PROX1: variants seen among roughly 807,000 people sequenced by gnomAD.
PROX1 encodes prospero homeobox protein 1.
In PROX1, 7 loss-of-function variants were observed where a neutral mutation model predicts 58.8. That is an observed-to-expected ratio of 0.12 (90% CI 0.07 to 0.22). The LOEUF (loss-of-function observed/expected upper bound fraction) is 0.22. Among genes scored for constraint, PROX1 ranks in the 10% least tolerant of loss-of-function variants. The pLI is 1.00. For missense variants in PROX1, 675 were observed against 927.8 expected (o/e 0.73, Z 3.54); for synonymous variants, 350 against 358.3 (o/e 0.98, Z 0.26).
At chr1:214,031,871 TC>T (rs1426162704) in intron 4 of PROX1, among the ~76,000 whole-genome samples, 2 of 152,292 alleles carry the variant, frequency 1.3e-5, no homozygotes, top group South Asian at 4.1e-4. Context: ...ACTGGAACCC[TC>T]TCAGAAGATC....
intron 1 of PROX1, among the ~76,000 whole-genome samples, chr1:213,989,487 T>C (rs1345222448): frequency 6.6e-6 from 1 of 151,744 alleles, no homozygotes; most frequent in Non-Finnish European, 1.5e-5. Context: ...AGCTTCGGTC[T>C]GGTCTCGTCT....
At chr1:214,021,927 G>A (rs1287732918) in intron 4 of PROX1, among the ~76,000 whole-genome samples, 1 of 152,240 alleles carries the variant, frequency 6.6e-6, no homozygotes, top group Non-Finnish European at 1.5e-5. Context: ...TGAGGAGATA[G>A]CCTTAGTCTT....
At chr1:214,001,731 T>C (rs1663517948) in intron 2 of PROX1, among the ~76,000 whole-genome samples, 1 of 152,224 alleles carries the variant, frequency 6.6e-6, no homozygotes. Flanking sequence ...AAATTGATCT[T>C]ATACATTTTT....
chr1:214,025,561 T>G (rs1664421560), intron 4 of PROX1, among the ~76,000 whole-genome samples: 1 of 152,188 alleles, frequency 6.6e-6, no homozygotes, highest in African/African-American at 2.4e-5. Flanking sequence ...GGCCCTTTAC[T>G]GGCAAATTTT....
chr1:213,986,559 A>G (rs7548045), upstream of PROX1: 5,458 of 152,164 alleles, frequency 0.036, 157 homozygotes, highest in Non-Finnish European at 0.046. Flanking sequence ...TGGCCAGTGT[A>G]CTTGTAACAC....
chr1:213,985,489 C>A (rs1662802236), upstream of PROX1: 1 of 152,236 alleles, frequency 6.6e-6, no homozygotes, highest in African/African-American at 2.4e-5. Flanking sequence ...GCGCGCGCTC[C>A]TATTTCAAGT....
At chr1:214,005,331 A>C (rs981004369) in intron 3 of PROX1, 59 bp downstream of exon 3, 1 of 1,340,346 alleles carries the variant, frequency 7.5e-7, no homozygotes, top group East Asian at 2.3e-5. Flanking sequence ...AGTAATTTGA[A>C]CTCCCGGAAG....
chr1:214,008,123 C>T (rs1663781697), intron 3 of PROX1, among the ~76,000 whole-genome samples: 1 of 152,050 alleles, frequency 6.6e-6, no homozygotes, highest in East Asian at 1.9e-4. Flanking sequence ...GCAATCTCAG[C>T]TCACTGCAAC....
At chr1:214,020,780 C>A (rs1664252772) in intron 4 of PROX1, among the ~76,000 whole-genome samples, 1 of 152,050 alleles carries the variant, frequency 6.6e-6, no homozygotes, top group African/African-American at 2.4e-5. Context: ...TTGAGCAAAC[C>A]ATAAGATTTT....
At chr1:214,005,432 G>A (rs1663673644) in intron 3 of PROX1, among the ~76,000 whole-genome samples, 160 bp downstream of exon 3, 1 of 152,186 alleles carries the variant, frequency 6.6e-6, no homozygotes, top group Non-Finnish European at 1.5e-5. Flanking sequence ...GGTGTGTTAA[G>A]CAAAGATGCC....
chr1:213,986,373 A>G (rs1178201161), upstream of PROX1: 1 of 152,144 alleles, frequency 6.6e-6, no homozygotes, highest in Non-Finnish European at 1.5e-5. Flanking sequence ...TCACTGTTTG[A>G]AATTCGTGCC....
intron 1 of PROX1, among the ~76,000 whole-genome samples, chr1:213,994,787 A>C (rs1346451319): frequency 1.2e-5 from 1 of 80,912 alleles, no homozygotes; most frequent in African/African-American, 4.5e-5. Flanking sequence ...ATATATATAT[A>C]TATATATATA....
chr1:214,035,841 C>T lies in PROX1; in HGVS notation c.*7C>T. The T allele has an allele frequency of 6.2e-7, 1 of 1,604,230 alleles. No individual in the cohort carries two copies. Among genetic ancestry groups the T allele is most frequent in the East Asian group, 2.2e-5 (1 of 44,700 alleles). On this transcript the variant is annotated 3_prime_UTR_variant, in exon 5 of 5. Coordinates refer to ENST00000366958, the MANE Select transcript of PROX1 (RefSeq NM_001270616.2). ...AGAGCTGCTTCATGAGTAGAAATTT[C>T]AACAACTCTTTTTGAATGTATGAAG...
At chr1:214,030,141 A>T (rs1664596078) in intron 4 of PROX1, 1 of 152,548 alleles carries the variant, frequency 6.6e-6, no homozygotes, top group African/African-American at 2.4e-5. Context: ...TTTCTCCTTG[A>T]CATTGTCTTC....
chr1:214,021,071 C>T (rs1254253491), intron 4 of PROX1, among the ~76,000 whole-genome samples: 1 of 152,172 alleles, frequency 6.6e-6, no homozygotes, highest in Non-Finnish European at 1.5e-5. Context: ...CTCCCCAACC[C>T]ATTGTCAGCC....
At chr1:214,031,194 C>T (rs956131407) in intron 4 of PROX1, among the ~76,000 whole-genome samples, 1 of 152,182 alleles carries the variant, frequency 6.6e-6, no homozygotes, top group Non-Finnish European at 1.5e-5. Context: ...TCTGAGGAGA[C>T]TCAAGTCTGT....
At chr1:213,987,561 GAA>G (rs563448943), upstream of PROX1, 2 of 90,540 alleles carry the variant, frequency 2.2e-5, no homozygotes, top group Non-Finnish European at 2.4e-5. Context: ...AAAAGAAAAA[GAA>G]AAAAAAAAAA....
In PROX1 at chr1:213,997,193, A is replaced by G; in HGVS notation, c.658A>G (p.Ser220Gly). The G allele has an allele frequency of 1.2e-6, 2 of 1,613,078 alleles. No homozygotes were observed. Among genetic ancestry groups the G allele is most frequent in the Non-Finnish European group, 1.7e-6 (2 of 1,179,756 alleles). ...KQKLPQQQQQ[S>G]FQQLVSARKE... ...AAAGCTTCCCCAGCAGCAGCAACAG[A>G]GTTTCCAGCAGCTGGTTTCAGCCCG... Residue 220 changes from serine (S) to glycine (G), a missense_variant, in exon 2 of 5, where the codon AGT (serine) becomes GGT (glycine). Physicochemically the swap from Ser to Gly is moderately conservative, Grantham distance 56. Around this residue, in one of 8 missense-constraint regions of PROX1, gnomAD observed 403 missense variants for 477.4 expected, o/e 0.84. Transcript: ENST00000366958. This position sits in a 1 kb window ranked among gnomAD's most constrained non-coding sequence, Gnocchi z 7.1.
intron 4 of PROX1, among the ~76,000 whole-genome samples, chr1:214,033,664 A>G (rs902469279): frequency 1.3e-5 from 2 of 152,204 alleles, no homozygotes; most frequent in African/African-American, 4.8e-5. Context: ...CTCCCAATCC[A>G]AGGAGTGAGA....
Sources: allele counts gnomAD v4.1 joint callset (sites outside exome capture counted in the v4.1 genomes callset), GRCh38; gene constraint gnomAD v4.1.1; regional missense constraint gnomAD v4.1.1; non-coding constraint Gnocchi (gnomAD v3.1); transcripts MANE v1.5; gene names NCBI Gene and HGNC (gene_info 2026-07-23, HGNC 2026-07-21).